FBXL7: variants seen among roughly 807,000 people sequenced by gnomAD.
FBXL7 encodes the protein F-box/LRR-repeat protein 7.
Under a neutral mutation model 38.3 loss-of-function variants are expected in FBXL7, and 12 were observed. The ratio of observed to expected loss-of-function variants is 0.31; its 90% CI spans 0.20 to 0.51. The LOEUF (loss-of-function observed/expected upper bound fraction) is 0.51. Ranked by LOEUF, FBXL7 falls within the 20% of genes least tolerant of loss-of-function variation. FBXL7 has a pLI of 0.98. For missense variants in FBXL7, 567 were observed against 676.4 expected, an observed-to-expected ratio of 0.84 and a Z score of 1.79; for synonymous variants, 297 against 300.9, an observed-to-expected ratio of 0.99 and a Z score of 0.13.
At chr5:15,819,589 A>G (rs757867676) in intron 2 of FBXL7, among the ~76,000 whole-genome samples, 1 of 152,200 alleles carries the variant, frequency 6.6e-6, no homozygotes, top group Non-Finnish European at 1.5e-5. Flanking sequence ...ACAAAGGGCA[A>G]AGGAGGGGGA....
At chr5:15,756,455 CT>C (rs1736298876) in intron 2 of FBXL7, among the ~76,000 whole-genome samples, 1 of 152,124 alleles carries the variant, frequency 6.6e-6, no homozygotes, top group Non-Finnish European at 1.5e-5. Flanking sequence ...ACTCTCTTTC[CT>C]TTCTCCATTT....
At chr5:15,871,354 C>T (rs894065568) in intron 2 of FBXL7, among the ~76,000 whole-genome samples, 1 of 152,166 alleles carries the variant, frequency 6.6e-6, no homozygotes, top group Non-Finnish European at 1.5e-5. Context: ...AAAACCAGCA[C>T]AAAAAGGCTG....
At chr5:15,665,762 A>G (rs1742253485) in intron 2 of FBXL7, among the ~76,000 whole-genome samples, 2 of 152,164 alleles carry the variant, frequency 1.3e-5, no homozygotes, top group South Asian at 4.1e-4. Context: ...ATTAGATCAT[A>G]ATGTATTTGC....
chr5:15,523,511 A>C (rs1011705793), intron 1 of FBXL7, among the ~76,000 whole-genome samples: 4 of 151,598 alleles, frequency 2.6e-5, no homozygotes, highest in African/African-American at 9.7e-5. Flanking sequence ...GTGAGCTGTG[A>C]TTGCACCACT....
At chr5:15,743,123 A>C (rs1735933804) in intron 2 of FBXL7, among the ~76,000 whole-genome samples, 1 of 152,144 alleles carries the variant, frequency 6.6e-6, no homozygotes, top group Non-Finnish European at 1.5e-5. Context: ...GCCCCTCCCA[A>C]AACTCATGTC....
intron 2 of FBXL7, among the ~76,000 whole-genome samples, chr5:15,827,268 G>A (rs968281601): frequency 2.0e-5 from 3 of 150,794 alleles, no homozygotes; most frequent in African/African-American, 4.9e-5. Context: ...GTTTTTTTTC[G>A]ATCTCTGCCT....
At chr5:15,696,926 T>G (rs1402005019) in intron 2 of FBXL7, among the ~76,000 whole-genome samples, 1 of 152,218 alleles carries the variant, frequency 6.6e-6, no homozygotes, top group African/African-American at 2.4e-5. Context: ...TCCCTTAGTG[T>G]CTTTGTGTCT....
At chr5:15,933,041 A>G (rs757312897) in intron 3 of FBXL7, among the ~76,000 whole-genome samples, 1 of 152,176 alleles carries the variant, frequency 6.6e-6, no homozygotes, top group Non-Finnish European at 1.5e-5. Flanking sequence ...TTGAAAAAAA[A>G]TGATGTTTAT....
intron 2 of FBXL7, among the ~76,000 whole-genome samples, chr5:15,799,793 C>T (rs1332907492): frequency 6.6e-6 from 1 of 152,180 alleles, no homozygotes; most frequent in Non-Finnish European, 1.5e-5. Flanking sequence ...AAAGTCTGTT[C>T]CATCATCTGG....
chr5:15,823,561 T>C (rs1738228843), intron 2 of FBXL7, among the ~76,000 whole-genome samples: 1 of 152,182 alleles, frequency 6.6e-6, no homozygotes, highest in Non-Finnish European at 1.5e-5. Flanking sequence ...TCTGTGAATG[T>C]GGTGCTGGTA....
At chr5:15,800,627 T>C (rs1737538839) in intron 2 of FBXL7, among the ~76,000 whole-genome samples, 1 of 152,218 alleles carries the variant, frequency 6.6e-6, no homozygotes, top group South Asian at 2.1e-4. Flanking sequence ...TTGTACGTGA[T>C]AAAATGACAA....
chr5:15,599,192 A>AG (rs899103650), intron 1 of FBXL7, among the ~76,000 whole-genome samples: 3 of 152,162 alleles, frequency 2.0e-5, no homozygotes, highest in Non-Finnish European at 2.9e-5. Flanking sequence ...TGATGCTCTT[A>AG]GGGGACATAG....
intron 2 of FBXL7, among the ~76,000 whole-genome samples, chr5:15,891,507 GAC>G (rs1185719489): frequency 6.6e-6 from 1 of 152,206 alleles, no homozygotes; most frequent in Non-Finnish European, 1.5e-5. Flanking sequence ...AGGAACTGGA[GAC>G]ACATCAGGAA....
intron 2 of FBXL7, among the ~76,000 whole-genome samples, chr5:15,841,136 TC>T (rs1738735946): frequency 6.6e-6 from 1 of 152,168 alleles, no homozygotes; most frequent in South Asian, 2.1e-4. Flanking sequence ...GCTCTTTTTT[TC>T]CCAATTCTTA....
intron 2 of FBXL7, among the ~76,000 whole-genome samples, chr5:15,887,889 TC>T (rs1437329970): frequency 6.6e-6 from 1 of 152,200 alleles, no homozygotes; most frequent in Non-Finnish European, 1.5e-5. Context: ...TTTCTTGGAT[TC>T]TTTGCTCCGC....
At chr5:15,918,850 T>C (rs1286589541) in intron 2 of FBXL7, among the ~76,000 whole-genome samples, 1 of 152,242 alleles carries the variant, frequency 6.6e-6, no homozygotes, top group East Asian at 1.9e-4. Flanking sequence ...CAGCAAGAAC[T>C]CTTGAGTCCT....
At chr5:15,859,337 C>T (rs541990126) in intron 2 of FBXL7, among the ~76,000 whole-genome samples, 70 of 152,216 alleles carry the variant, frequency 4.6e-4, no homozygotes, top group Admixed American at 2.7e-3. Flanking sequence ...TGATTTTGCC[C>T]CACAGGGAAC....
chr5:15,760,478 G>A (rs563332098), intron 2 of FBXL7, among the ~76,000 whole-genome samples: 1 of 151,754 alleles, frequency 6.6e-6, no homozygotes, highest in South Asian at 2.1e-4. Context: ...AAGTATTCAG[G>A]TCCGTCATGC....
rs568333189 is a variant in FBXL7, at chr5:15,736,318, C to A, written c.127+120246C>A. Among the ~76,000 whole-genome samples, 236 of 152,226 alleles carry A rather than the reference C, an allele frequency of 1.6e-3. No homozygotes were observed. In the Middle Eastern group the frequency reaches 0.02, roughly 13 times the overall value. On this transcript the variant is annotated intron_variant, in intron 2 of 3. Transcript: ENST00000504595. ...ACAGCAATCATAAATTTAACATATT[C>A]ATTTCTGTTTTGAAGCTTTTCAATA...
Sources: gnomAD v4.1 joint callset for allele counts (sites outside exome capture counted in the v4.1 genomes callset) on GRCh38, gnomAD v4.1.1 for gene constraint, MANE v1.5 for transcripts, NCBI Gene and HGNC (gene_info 2026-07-23, HGNC 2026-07-21) for gene names.